Variants in PCDHGA7 observed in about 807,000 individuals in gnomAD.
The protein encoded by PCDHGA7 is protocadherin gamma-A7.
Under a neutral mutation model 58.3 loss-of-function variants are expected in PCDHGA7, and 44 were observed. The observed-to-expected ratio is 0.75, with a 90% confidence interval of 0.59 to 0.97. PCDHGA7 has a LOEUF of 0.97. Ranked by LOEUF, PCDHGA7 falls within the 50% of genes least tolerant of loss-of-function variation. PCDHGA7 has a pLI of 0.00. For synonymous variants in PCDHGA7, 516 were observed against 504.2 expected (o/e 1.02, Z -0.31); for missense variants, 1,266 against 1,188.7 (o/e 1.06, Z -0.96).
rs1053018756 is a variant in PCDHGA7, at chr5:141,497,630, G to T, written c.2483+2765G>T. ...TCTTGGCTCACTGCAACCTCTGCCT[G>T]CCAGGTTCAAGCGATTCTCCTGCCT... is the stretch of plus-strand genomic sequence containing the variant. On this transcript the variant is annotated intron_variant, in intron 2 of 3. Coordinates refer to ENST00000518325, the MANE Select transcript of PCDHGA7 (RefSeq NM_018920.4). 3.3e-5 allele frequency among the ~76,000 whole-genome samples: 5 copies of T among 150,256 alleles called. No homozygotes were observed. The Admixed American group carries it at 3.3e-4, about 10-fold the overall frequency.
chr5:141,426,437 C>T (rs914971616), intron 1 of PCDHGA7: 6 of 300,546 alleles, frequency 2.0e-5, no homozygotes, highest in South Asian at 6.4e-5. Flanking sequence ...GGGAACCTTG[C>T]GGAGGACATG....
chr5:141,385,219 A>C lies in PCDHGA7; in HGVS notation c.2320A>C (p.Asn774His). The C allele has an allele frequency of 6.2e-7, 1 of 1,614,236 alleles. No individual in the cohort carries two copies. The highest frequency in any genetic ancestry group is 8.5e-7 in the Non-Finnish European group (1 of 1,180,042). Residue 774 changes from asparagine to histidine, a missense_variant, in exon 1 of 4, where the codon AAC becomes CAC. Physicochemically the swap from Asn to His is moderately conservative, Grantham distance 68. Transcript: ENST00000518325. ...GAGTCACCTGATCTTCCCCCAGCCCAACTATGTAGACATGCTCATCAGCCA... is the reference window on the plus strand; with the variant it reads ...GAGTCACCTGATCTTCCCCCAGCCCCACTATGTAGACATGCTCATCAGCCA... ...RKSHLIFPQP[N>H]YVDMLISQES...
chr5:141,409,341 G>C, intron 1 of PCDHGA7: 1 of 1,613,976 alleles, frequency 6.2e-7, no homozygotes, highest in Non-Finnish European at 8.5e-7. Flanking sequence ...GGAGGAAATG[G>C]AGAAGTCAGG....
chr5:141,410,155 G>T, intron 1 of PCDHGA7: 1 of 1,612,898 alleles, frequency 6.2e-7, no homozygotes. Context: ...ACGGTGGACA[G>T]CCGCCACTCT....
In PCDHGA7 at chr5:141,383,438, T is replaced by G. The variant is rs771107415; in HGVS notation, c.539T>G (p.Leu180Arg). The change falls in exon 1 of 4, where the codon CTG (leucine) becomes CGG (arginine). Residue 180 changes from leucine to arginine, a missense_variant. Coordinates refer to ENST00000518325, the MANE Select transcript of PCDHGA7 (RefSeq NM_018920.4). The stretch of plus-strand genomic sequence containing the variant: ...CTCAGCCCCAATCGCCACTTCTCCC[T>G]GGCTGTGCAAAGTGGAGACGATGAA... The part of the protein sequence containing the change: ...YQLSPNRHFS[L>R]AVQSGDDETK... 1 of 1,613,960 alleles carries G rather than the reference T, an allele frequency of 6.2e-7. No individual in the cohort carries two copies. The highest frequency in any genetic ancestry group is 1.1e-5 in the South Asian group (1 of 91,080).
chr5:141,503,307 G>T (rs1042228003), intron 2 of PCDHGA7, among the ~76,000 whole-genome samples: 5 of 152,096 alleles, frequency 3.3e-5, no homozygotes, highest in African/African-American at 1.2e-4. Context: ...GCTCAAGAAA[G>T]AATTGTTGGA....
chr5:141,489,225 A>G lies in PCDHGA7; in HGVS notation c.2425-5582A>G. 3 of 1,518,230 alleles carry G rather than the reference A, an allele frequency of 2.0e-6. No individual in the cohort carries two copies. Among genetic ancestry groups the G allele is most frequent in the East Asian group, 2.3e-5 (1 of 44,234 alleles). 94.0% of individuals were successfully genotyped at this position (1,518,230 alleles called of 1,614,324 possible). On this transcript the variant is annotated intron_variant, in intron 1 of 3. Coordinates refer to ENST00000518325, the MANE Select transcript of PCDHGA7 (RefSeq NM_018920.4). The surrounding 1 kb of genome is among the most constrained non-coding windows in gnomAD (Gnocchi z 4.5). ...GGACAGCACAGACTTACTCTCCACA[A>G]AGGGACTTCTGGGTCATGGGGCCCA...
chr5:141,386,950 A>G (rs538175836), intron 1 of PCDHGA7, among the ~76,000 whole-genome samples: 1 of 152,246 alleles, frequency 6.6e-6, no homozygotes, highest in African/African-American at 2.4e-5. Flanking sequence ...GCAGTGCTTC[A>G]GTGCAGCAGA....
At chr5:141,450,815 A>ATAT (rs1420984335) in intron 1 of PCDHGA7, among the ~76,000 whole-genome samples, 2,245 of 126,710 alleles carry the variant, frequency 0.018, 73 homozygotes, top group African/African-American at 0.063. Flanking sequence ...TATTTATTTA[A>ATAT]TATTATTATT....
At chr5:141,408,003 C>G in intron 1 of PCDHGA7, 1 of 917,520 alleles carries the variant, frequency 1.1e-6, no homozygotes, top group Non-Finnish European at 1.6e-6. Flanking sequence ...GCCTGGGATT[C>G]CCTGCGCAGC....
rs746968245 is a variant in PCDHGA7, at chr5:141,489,575, A to AC, written c.2425-5227dup. 2 of 1,613,788 alleles carry AC rather than the reference A, an allele frequency of 1.2e-6. No homozygotes were observed. Among genetic ancestry groups the AC allele is most frequent in the Non-Finnish European group, 1.7e-6 (2 of 1,179,960 alleles). On this transcript the variant is annotated intron_variant, in intron 1 of 3. Coordinates refer to ENST00000518325, the MANE Select transcript of PCDHGA7 (RefSeq NM_018920.4). The surrounding 1 kb of genome is among the most constrained non-coding windows in gnomAD (Gnocchi z 4.5). ...CTGCCAGTGCAGGTGGTGACTGAACACCCCCTGGAGCTAATCCGTGTAGAG... is the reference window on the plus strand; with the variant it reads ...CTGCCAGTGCAGGTGGTGACTGAACACCCCCCTGGAGCTAATCCGTGTAGAG...
intron 1 of PCDHGA7, chr5:141,423,684 T>G (rs201506477): frequency 6.6e-7 from 1 of 1,524,756 alleles, no homozygotes; most frequent in Non-Finnish European, 8.8e-7. Context: ...CTCTGCCTCC[T>G]AATTGTTGGT....
intron 1 of PCDHGA7, chr5:141,422,603 C>G: frequency 6.2e-7 from 1 of 1,614,078 alleles, no homozygotes; most frequent in Non-Finnish European, 8.5e-7. Context: ...TCCTCTTACT[C>G]TGCCTACATT....
At position 141,489,425 on chromosome 5, in the gene PCDHGA7, G is replaced by C. The variant is rs779739693; in HGVS notation, c.2425-5382G>C. On this transcript the variant is annotated intron_variant, in intron 1 of 3. Transcript: ENST00000518325. This position sits in a 1 kb window ranked among gnomAD's most constrained non-coding sequence, Gnocchi z 4.5. ...TTAAAGATGACAGATCTGTTGAGCC[G>C]GCGGCTGCAATTGGGCTCTGAGGAG... The C allele has an allele frequency of 4.3e-6, 7 of 1,614,118 alleles. No individual in the cohort carries two copies. The highest frequency in any genetic ancestry group is 1.1e-5 in the South Asian group (1 of 91,070).
intron 1 of PCDHGA7, among the ~76,000 whole-genome samples, chr5:141,433,404 T>TATCTATCA (rs757435896): frequency 6.8e-6 from 1 of 146,200 alleles, no homozygotes; most frequent in Non-Finnish European, 1.5e-5. Flanking sequence ...TCTATCTATC[T>TATCTATCA]ATTACTTTCT....
intron 1 of PCDHGA7, chr5:141,399,317 C>T (rs368407532): frequency 2.0e-5 from 33 of 1,613,814 alleles, no homozygotes; most frequent in Non-Finnish European, 2.8e-5. Flanking sequence ...TCCAAAAATT[C>T]GTATAAGTTG....
chr5:141,403,685 C>A, intron 1 of PCDHGA7: 1 of 1,613,822 alleles, frequency 6.2e-7, no homozygotes, highest in Non-Finnish European at 8.5e-7. Flanking sequence ...TTTTGCTCAA[C>A]GGATTTACCG....
chr5:141,433,460 T>C (rs892333304), intron 1 of PCDHGA7, among the ~76,000 whole-genome samples: 1 of 152,064 alleles, frequency 6.6e-6, no homozygotes, highest in Non-Finnish European at 1.5e-5. Context: ...GATCTGAAAC[T>C]TGGGCTCAGG....
intron 1 of PCDHGA7, among the ~76,000 whole-genome samples, chr5:141,448,838 T>C (rs2098609981): frequency 6.6e-6 from 1 of 151,802 alleles, no homozygotes; most frequent in Non-Finnish European, 1.5e-5. Flanking sequence ...CCAGCTACTC[T>C]GGAGGCTGAG....
Sources: allele counts gnomAD v4.1 joint callset (sites outside exome capture counted in the v4.1 genomes callset), GRCh38; gene constraint gnomAD v4.1.1; non-coding constraint Gnocchi (gnomAD v3.1); transcripts MANE v1.5; gene names NCBI Gene and HGNC (gene_info 2026-07-23, HGNC 2026-07-21).